MAP4K4: variants seen among roughly 807,000 people sequenced by gnomAD.
The protein encoded by MAP4K4 is mitogen-activated protein kinase kinase kinase kinase 4, also known as HPK/GCK-like kinase HGK.
MAP4K4 carries 38 observed loss-of-function variants against 189.6 expected under a neutral mutation model. The ratio of observed to expected loss-of-function variants is 0.20; its 90% CI spans 0.15 to 0.26. The LOEUF is 0.26. Ranked by LOEUF, MAP4K4 falls within the 10% of genes least tolerant of loss-of-function variation. The probability of loss-of-function intolerance (pLI) is 1.00; values close to 1 mark genes in which losing one functional copy is unlikely to be tolerated. For missense variants in MAP4K4, 1,054 were observed against 1,726.9 expected, an observed-to-expected ratio of 0.61 and a Z score of 6.91; for synonymous variants, 610 against 624.3, an observed-to-expected ratio of 0.98 and a Z score of 0.34.
intron 12 of MAP4K4, among the ~76,000 whole-genome samples, chr2:101,853,997 T>C (rs993602389): frequency 2.0e-5 from 3 of 152,208 alleles, no homozygotes; most frequent in Non-Finnish European, 4.4e-5. Flanking sequence ...CCAGAGATTT[T>C]TTTGTTTGAT....
chr2:101,883,104 C>G (rs2098426050), intron 28 of MAP4K4, among the ~76,000 whole-genome samples: 1 of 152,224 alleles, frequency 6.6e-6, no homozygotes, highest in African/African-American at 2.4e-5. Context: ...TTATTCTCCA[C>G]TTAGAGGTCT....
At chr2:101,729,077 G>GAAGAGAGAGA (rs70946662) in intron 2 of MAP4K4, among the ~76,000 whole-genome samples, 8 of 128,768 alleles carry the variant, frequency 6.2e-5, no homozygotes, top group African/African-American at 2.1e-4. Context: ...ATTAGAGAGA[G>GAAGAGAGAGA]GAGAGAGAGA....
intron 2 of MAP4K4, among the ~76,000 whole-genome samples, chr2:101,770,602 A>C (rs1341534376): frequency 6.6e-6 from 1 of 152,204 alleles, no homozygotes; most frequent in Non-Finnish European, 1.5e-5. Context: ...TTTTTATAGA[A>C]TAAAAATATT....
At chr2:101,796,724 T>C (rs2093735984) in intron 3 of MAP4K4, among the ~76,000 whole-genome samples, 1 of 152,170 alleles carries the variant, frequency 6.6e-6, no homozygotes, top group South Asian at 2.1e-4. Flanking sequence ...GGTAATTCTG[T>C]CATATTACTT....
chr2:101,776,155 C>T (rs1028309485), intron 2 of MAP4K4, among the ~76,000 whole-genome samples: 38 of 152,206 alleles, frequency 2.5e-4, no homozygotes, highest in Admixed American at 2.5e-3. Flanking sequence ...TACAGATTCT[C>T]AGGCCCCTCA....
At chr2:101,812,671 A>G (rs1272024254) in intron 3 of MAP4K4, among the ~76,000 whole-genome samples, 1 of 152,198 alleles carries the variant, frequency 6.6e-6, no homozygotes, top group Non-Finnish European at 1.5e-5. Context: ...GTTTTTAAAA[A>G]TGTGCATCTT....
intron 3 of MAP4K4, among the ~76,000 whole-genome samples, chr2:101,815,326 T>C (rs2095652994): frequency 6.6e-6 from 1 of 152,204 alleles, no homozygotes; most frequent in Admixed American, 6.5e-5. Context: ...AGTTGTTGCT[T>C]TTTAAATGCA....
intron 2 of MAP4K4, among the ~76,000 whole-genome samples, chr2:101,746,806 A>G (rs1331751731): frequency 6.6e-6 from 1 of 152,014 alleles, no homozygotes; most frequent in African/African-American, 2.4e-5. Flanking sequence ...TTAGGTAGGT[A>G]GGTTTTGTCT....
rs1470322079 is a variant in MAP4K4, at chr2:101,740,160, T to TAAAGCCTGCA, written c.123+41622_123+41623insAAAGCCTGCA. Among the ~76,000 whole-genome samples the TAAAGCCTGCA allele has an allele frequency of 2.1e-3, 244 of 114,622 alleles. 15 individuals are homozygous for TAAAGCCTGCA. The highest frequency in any genetic ancestry group is 8.8e-3 in the African/African-American group (131 of 14,946). The allele number at this position is 114,622 out of a possible 152,430, so 75.2% of individuals were successfully genotyped here. A position where few individuals can be genotyped will look rare whatever the true frequency, so the allele number is the denominator to read the frequency against. ...AGTTGCTTTATATCATCTTTTTTTT[T>TAAAGCCTGCA]TTTTTTTTTTTGAGACGGAGTCTCG... On this transcript the variant is annotated intron_variant, in intron 2 of 32. Transcript: ENST00000324219.
At position 101,869,822 on chromosome 2, in the gene MAP4K4, C is replaced by T. The variant is rs769267398; in HGVS notation, c.2639+25C>T. On this transcript the variant is annotated intron_variant, in intron 22 of 32. Transcript: ENST00000324219. ...CGTCAGTCCCCGGTCTCTTTTAGAG[C>T]GGATGAGAGTATTCTCTCAGAGCCT... is the stretch of plus-strand genomic sequence containing the variant. 6.7e-6 allele frequency: 10 copies of T among 1,502,506 alleles called. No homozygotes were observed. The African/African-American group carries it at 8.4e-5, about 13-fold the overall frequency. 93.1% of individuals were successfully genotyped at this position (1,502,506 alleles called of 1,614,324 possible).
chr2:101,871,062 T>G (rs1383000237), intron 23 of MAP4K4, among the ~76,000 whole-genome samples: 2 of 152,192 alleles, frequency 1.3e-5, no homozygotes, highest in Non-Finnish European at 2.9e-5. Context: ...AGGGCACCTA[T>G]TTAGTATTTT....
At chr2:101,810,772 TC>T (rs1269781492) in intron 3 of MAP4K4, among the ~76,000 whole-genome samples, 3 of 152,362 alleles carry the variant, frequency 2.0e-5, no homozygotes, top group Admixed American at 2.0e-4. Context: ...TTCATTATTT[TC>T]CCCATTCTGT....
chr2:101,766,661 G>C (rs747483250), intron 2 of MAP4K4, among the ~76,000 whole-genome samples: 1 of 151,438 alleles, frequency 6.6e-6, no homozygotes, highest in Non-Finnish European at 1.5e-5. Flanking sequence ...TTAAACACTG[G>C]ATGTTTTTTC....
chr2:101,738,216 A>T (rs1021606784), intron 2 of MAP4K4, among the ~76,000 whole-genome samples: 7 of 152,160 alleles, frequency 4.6e-5, no homozygotes, highest in Non-Finnish European at 1.0e-4. Context: ...AAAGACTGGG[A>T]TATTTCCAAC....
chr2:101,755,739 T>G (rs2072176086), intron 2 of MAP4K4, among the ~76,000 whole-genome samples: 1 of 152,070 alleles, frequency 6.6e-6, no homozygotes, highest in Non-Finnish European at 1.5e-5. Flanking sequence ...CAATAGCTGA[T>G]TTAGGCCTAC....
At chr2:101,757,619 GA>G (rs1457929022) in intron 2 of MAP4K4, among the ~76,000 whole-genome samples, 2 of 152,232 alleles carry the variant, frequency 1.3e-5, no homozygotes, top group African/African-American at 4.8e-5. Context: ...GTGGATGCCT[GA>G]AACTGAGGAT....
At chr2:101,740,303 G>A (rs1488943024) in intron 2 of MAP4K4, among the ~76,000 whole-genome samples, 2 of 126,886 alleles carry the variant, frequency 1.6e-5, no homozygotes, top group South Asian at 2.2e-4. Context: ...ACAGGCGCCC[G>A]CCACTACGCC....
chr2:101,822,633 G>GT (rs2096135375), intron 3 of MAP4K4, among the ~76,000 whole-genome samples: 2 of 152,074 alleles, frequency 1.3e-5, no homozygotes, highest in African/African-American at 4.8e-5. Flanking sequence ...CTTTAGGCTT[G>GT]TAAGGCCTTA....
At chr2:101,783,544 A>T (rs951623414) in intron 2 of MAP4K4, among the ~76,000 whole-genome samples, 4 of 152,202 alleles carry the variant, frequency 2.6e-5, no homozygotes, top group African/African-American at 9.6e-5. Context: ...CACAGTTCTT[A>T]TGGCCTGGGA....
Sources: gnomAD v4.1 joint callset for allele counts (sites outside exome capture counted in the v4.1 genomes callset) on GRCh38, gnomAD v4.1.1 for gene constraint, MANE v1.5 for transcripts, NCBI Gene and HGNC (gene_info 2026-07-23, HGNC 2026-07-21) for gene names.